ENKUR: variants seen among roughly 807,000 people sequenced by gnomAD.
ENKUR encodes the protein enkurin, TRPC channel interacting protein, also known as enkurin.
ENKUR carries 19 observed loss-of-function variants against 27.6 expected under a neutral mutation model. The observed-to-expected ratio is 0.69, with a 90% CI of 0.48 to 1.01. The LOEUF (loss-of-function observed/expected upper bound fraction) is 1.01. Among genes scored for constraint, ENKUR ranks in the 50% least tolerant of loss-of-function variants. The probability of loss-of-function intolerance (pLI) is 0.00; values close to 1 mark genes in which losing one functional copy is unlikely to be tolerated. For missense variants in ENKUR, 312 were observed against 310.5 expected (o/e 1.00, Z -0.04); for synonymous variants, 117 against 96.9 (o/e 1.21, Z -1.22).
At chr10:25,059,346 A>G (rs1430184065) in intron 2 of ENKUR, among the ~76,000 whole-genome samples, 2 of 151,886 alleles carry the variant, frequency 1.3e-5, no homozygotes, top group African/African-American at 4.8e-5. Context: ...CTTCCATGCT[A>G]GTCTCCAACT....
At chr10:25,052,788 T>C (rs1225603506) in intron 2 of ENKUR, among the ~76,000 whole-genome samples, 3 of 151,864 alleles carry the variant, frequency 2.0e-5, no homozygotes, top group Non-Finnish European at 4.4e-5. Context: ...TCTTTTTTCT[T>C]TTTTTTGAGA....
At chr10:25,032,312 G>T (rs1850943656) in intron 2 of ENKUR, among the ~76,000 whole-genome samples, 1 of 139,038 alleles carries the variant, frequency 7.2e-6, no homozygotes, top group South Asian at 2.5e-4. Flanking sequence ...TCAGAGTAAA[G>T]AAGGGGGGGG....
chr10:25,053,253 G>A (rs541096785), intron 2 of ENKUR, among the ~76,000 whole-genome samples: 69 of 152,246 alleles, frequency 4.5e-4, no homozygotes, highest in African/African-American at 1.6e-3. Context: ...AAAATCAAGC[G>A]AATTAACATA....
At chr10:24,997,959 CAT>C (rs1850101393) in intron 2 of ENKUR, among the ~76,000 whole-genome samples, 1 of 152,050 alleles carries the variant, frequency 6.6e-6, no homozygotes, top group African/African-American at 2.4e-5. Flanking sequence ...TATTGTTGGT[CAT>C]AGAATGCTGG....
intron 2 of ENKUR, among the ~76,000 whole-genome samples, chr10:25,036,582 G>A (rs918891417): frequency 5.9e-5 from 9 of 152,220 alleles, no homozygotes; most frequent in Non-Finnish European, 1.3e-4. Flanking sequence ...GATGAGGAAG[G>A]ATGTCTGCTA....
intron 2 of ENKUR, among the ~76,000 whole-genome samples, chr10:25,033,517 G>C (rs567874788): frequency 4.6e-5 from 7 of 151,722 alleles, no homozygotes; most frequent in Non-Finnish European, 7.4e-5. Context: ...TCCTACATTA[G>C]GGAAACTCAT....
chr10:25,014,014 G>C (rs1257312339), intron 1 of ENKUR, among the ~76,000 whole-genome samples: 1 of 152,066 alleles, frequency 6.6e-6, no homozygotes, highest in Non-Finnish European at 1.5e-5. Flanking sequence ...TATGCATCAT[G>C]AGTAACTCAA....
intron 2 of ENKUR, among the ~76,000 whole-genome samples, chr10:25,033,395 C>A (rs1423743135): frequency 5.2e-5 from 5 of 95,976 alleles, no homozygotes; most frequent in Non-Finnish European, 9.7e-5. Flanking sequence ...CAGAGGAAGA[C>A]CTCGTCAAAA....
At chr10:25,053,828 AT>A (rs1851215826) in intron 2 of ENKUR, among the ~76,000 whole-genome samples, 2 of 152,154 alleles carry the variant, frequency 1.3e-5, no homozygotes, top group African/African-American at 4.8e-5. Context: ...TTTAAGACAC[AT>A]GAAAAGGCAT....
In ENKUR at chr10:25,016,078, C is replaced by T; in HGVS notation, c.-142G>A. 7.2e-7 allele frequency: 1 copy of T among 1,385,980 alleles called. No homozygotes were observed. Among genetic ancestry groups the T allele is most frequent in the Admixed American group, 3.2e-5 (1 of 31,688 alleles). The allele number at this position is 1,385,980 out of a possible 1,614,324, so 85.9% of individuals were successfully genotyped here. A position where few individuals can be genotyped will look rare whatever the true frequency, so the allele number is the denominator to read the frequency against. On this transcript the variant is annotated 5_prime_UTR_variant, in exon 1 of 6. Transcript: ENST00000331161. ...ACAGGTTCTCTCCTTCACATCGTCC[C>T]CCTTTAACCCCCTCTTAGCAGTCCT...
chr10:25,016,200 C>T (rs1850568091), upstream of ENKUR: 1 of 1,168,688 alleles, frequency 8.6e-7, no homozygotes, highest in Admixed American at 4.6e-5. Context: ...GAGGAAGTGG[C>T]AGGCAGCACC....
At chr10:25,040,119 C>G (rs1851046790) in intron 2 of ENKUR, among the ~76,000 whole-genome samples, 2 of 151,888 alleles carry the variant, frequency 1.3e-5, no homozygotes, top group Admixed American at 1.3e-4. Context: ...TACATAATTG[C>G]TGGGTCCCAA....
In ENKUR at chr10:24,990,505, AGCT is replaced by A. The variant is rs767942703; in HGVS notation, c.549_551del (p.Ala184del). On this transcript the variant is annotated inframe_deletion, in exon 4 of 6. Transcript: ENST00000331161. The stretch of plus-strand genomic sequence containing the variant: ...TTTCTTCATCGGAGAGCCTTTTCAT[AGCT>A]GCTTTCTTAAGGTTTTCCTGGATAT... 3 of 1,613,720 alleles carry A rather than the reference AGCT, an allele frequency of 1.9e-6. No individual in the cohort carries two copies. Among genetic ancestry groups the A allele is most frequent in the Non-Finnish European group, 2.5e-6 (3 of 1,179,930 alleles).
At chr10:25,014,331 C>T (rs1850516250) in intron 1 of ENKUR, among the ~76,000 whole-genome samples, 1 of 152,114 alleles carries the variant, frequency 6.6e-6, no homozygotes, top group East Asian at 1.9e-4. Context: ...TTTGGCATCA[C>T]ATTTGGGTGC....
At chr10:25,049,066 T>A (rs780446351) in intron 2 of ENKUR, among the ~76,000 whole-genome samples, 46 of 152,276 alleles carry the variant, frequency 3.0e-4, no homozygotes, top group East Asian at 1.7e-3. Flanking sequence ...CACTACTATT[T>A]GCTAGCTGAG....
chr10:25,012,891 G>A (rs1347417840), intron 1 of ENKUR, among the ~76,000 whole-genome samples: 1 of 152,130 alleles, frequency 6.6e-6, no homozygotes, highest in Non-Finnish European at 1.5e-5. Context: ...AGAATGATAT[G>A]GTTTGGCTGC....
At chr10:24,995,951 C>A in intron 2 of ENKUR, 82 bp from the exon 3 acceptor site, 1 of 1,133,144 alleles carries the variant, frequency 8.8e-7, no homozygotes, top group Non-Finnish European at 1.2e-6. Context: ...AGATATTTCA[C>A]CACTTGTATA....
intron 2 of ENKUR, among the ~76,000 whole-genome samples, chr10:25,048,180 T>A (rs1332328906): frequency 6.6e-6 from 1 of 151,856 alleles, no homozygotes; most frequent in African/African-American, 2.4e-5. Flanking sequence ...GGTCATGGGG[T>A]GGAAGTAAGC....
intron 4 of ENKUR, 121 bp downstream of exon 4, chr10:24,990,342 C>T: frequency 7.5e-7 from 1 of 1,325,852 alleles, no homozygotes; most frequent in South Asian, 1.6e-5. Flanking sequence ...AACTGTAACC[C>T]AAAGAGATTG....
Sources: gnomAD v4.1 joint callset for allele counts (sites outside exome capture counted in the v4.1 genomes callset) on GRCh38, gnomAD v4.1.1 for gene constraint, MANE v1.5 for transcripts, NCBI Gene and HGNC (gene_info 2026-07-23, HGNC 2026-07-21) for gene names.